The following TMEM131L variants were observed in gnomAD, a reference collection of about 807,000 sequenced individuals.
TMEM131L encodes the protein transmembrane 131 like, also known as transmembrane protein 131-like.
TMEM131L carries 54 observed loss-of-function variants against 192.2 expected under a neutral mutation model. The observed-to-expected ratio is 0.28, with a 90% CI of 0.23 to 0.35. The LOEUF is 0.35. Among genes scored for constraint, TMEM131L ranks in the 10% least tolerant of loss-of-function variants. The pLI, the probability that TMEM131L is intolerant of heterozygous loss-of-function variation, is 1.00. For synonymous variants in TMEM131L, 701 were observed against 704.9 expected (o/e 0.99, Z 0.09); for missense variants, 1,888 against 1,972.9 (o/e 0.96, Z 0.82).
intron 6 of TMEM131L, among the ~76,000 whole-genome samples, 199 bp from the exon 7 acceptor site, chr4:153,558,059 C>T (rs367866075): frequency 1.8e-4 from 28 of 152,242 alleles, no homozygotes; most frequent in African/African-American, 6.3e-4. Context: ...GCGTGAGCCA[C>T]CGTGCTCAGC....
chr4:153,636,663 TTGG>T lies in TMEM131L; in HGVS notation c.*91_*93del. ...CTGGTTATTGAGATAGATTATGACATTGGTGGATATTTTGGCACTTTTATATGA... is the reference window on the plus strand; with the variant it reads ...CTGGTTATTGAGATAGATTATGACATTGGATATTTTGGCACTTTTATATGA... On this transcript the variant is annotated 3_prime_UTR_variant, in exon 35 of 35. Transcript: ENST00000409959. 7.5e-7 allele frequency: 1 copy of T among 1,337,366 alleles called. No homozygotes were observed. The highest frequency in any genetic ancestry group is 1.5e-5 in the African/African-American group (1 of 68,022). The allele number at this position is 1,337,366 out of a possible 1,614,324, so 82.8% of individuals were successfully genotyped here. A position where few individuals can be genotyped will look rare whatever the true frequency, so the allele number is the denominator to read the frequency against.
At chr4:153,513,164 G>A (rs923786863) in intron 3 of TMEM131L, among the ~76,000 whole-genome samples, 3 of 152,204 alleles carry the variant, frequency 2.0e-5, no homozygotes, top group African/African-American at 7.2e-5. Context: ...GTTCTAGCAG[G>A]CTGTTTGAAT....
At chr4:153,629,588 ATG>A (rs1166734559) in intron 31 of TMEM131L, among the ~76,000 whole-genome samples, 2 of 152,208 alleles carry the variant, frequency 1.3e-5, no homozygotes, top group Non-Finnish European at 2.9e-5. Flanking sequence ...TAGAAGAATT[ATG>A]TGAGTTGCCC....
intron 31 of TMEM131L, among the ~76,000 whole-genome samples, chr4:153,628,786 C>T (rs760376164): frequency 1.3e-5 from 2 of 152,184 alleles, no homozygotes; most frequent in Non-Finnish European, 2.9e-5. Flanking sequence ...AGAGCATCTA[C>T]CCTTCAGCAT....
chr4:153,586,796 C>T (rs1006299802), intron 14 of TMEM131L, among the ~76,000 whole-genome samples: 2 of 152,060 alleles, frequency 1.3e-5, no homozygotes, highest in Admixed American at 1.3e-4. Flanking sequence ...GCTCGTAATC[C>T]TTGAATTTGC....
At chr4:153,537,255 G>GT (rs1736405884) in intron 3 of TMEM131L, among the ~76,000 whole-genome samples, 1 of 152,186 alleles carries the variant, frequency 6.6e-6, no homozygotes, top group Non-Finnish European at 1.5e-5. Context: ...CTCCACCTTT[G>GT]TAGATTGTTC....
rs538553015 is a variant in TMEM131L, at chr4:153,565,417, T to G, written c.660+7049T>G. Reference sequence around the variant, plus strand: ...TTTACTACCGGGGCAGGTGGTATTATTCTTATTTTAGAAATTATAGAATGG... The same window carrying G: ...TTTACTACCGGGGCAGGTGGTATTAGTCTTATTTTAGAAATTATAGAATGG... On this transcript the variant is annotated intron_variant, in intron 7 of 34. Transcript: ENST00000409959. Among the ~76,000 whole-genome samples the G allele has an allele frequency of 7.9e-5, 12 of 152,368 alleles. No homozygotes were observed. In the East Asian group the frequency reaches 2.3e-3, roughly 29 times the overall value.
intron 3 of TMEM131L, among the ~76,000 whole-genome samples, chr4:153,532,161 G>T (rs1015362854): frequency 1.3e-5 from 2 of 152,178 alleles, no homozygotes; most frequent in Non-Finnish European, 2.9e-5. Flanking sequence ...GAATGATTTT[G>T]CACTTGGATA....
intron 25 of TMEM131L, among the ~76,000 whole-genome samples, chr4:153,608,837 T>G (rs1256962100): frequency 1.3e-5 from 2 of 152,204 alleles, no homozygotes. Flanking sequence ...TTTGTTTCTG[T>G]TTTTTAACCA....
intron 3 of TMEM131L, among the ~76,000 whole-genome samples, chr4:153,534,762 G>A (rs552486426): frequency 6.6e-6 from 1 of 152,188 alleles, no homozygotes; most frequent in Non-Finnish European, 1.5e-5. Flanking sequence ...GGAGATGAGG[G>A]AGTTTGCCAT....
rs1267074762 is a variant in TMEM131L, at chr4:153,557,057, C to T, written c.524C>T (p.Ser175Phe). 2 of 1,534,388 alleles carry T rather than the reference C, an allele frequency of 1.3e-6. No homozygotes were observed. Among genetic ancestry groups the T allele is most frequent in the Non-Finnish European group, 1.8e-6 (2 of 1,110,086 alleles). The change falls in exon 6 of 35, where the codon TCT becomes TTT. Residue 175 changes from serine (S) to phenylalanine (F), a missense_variant. Ser to Phe is a radical substitution (Grantham distance 155). Transcript: ENST00000409959. The stretch of plus-strand genomic sequence containing the variant: ...GAAAGTTCCTTATTTATTAATACCT[C>T]TTCGTATGGAGTCCTTTCCTATCAT... ...SIESSLFINT[S>F]SYGVLSYHVS...
At chr4:153,485,922 C>G (rs1732298933) in intron 3 of TMEM131L, among the ~76,000 whole-genome samples, 1 of 152,248 alleles carries the variant, frequency 6.6e-6, no homozygotes, top group South Asian at 2.1e-4. Context: ...ACAGGTTCAT[C>G]AAGGTAAAAC....
At chr4:153,574,709 T>C (rs1729818333) in intron 7 of TMEM131L, among the ~76,000 whole-genome samples, 2 of 152,202 alleles carry the variant, frequency 1.3e-5, no homozygotes, top group African/African-American at 4.8e-5. Context: ...AGCTTCAGCC[T>C]CCCGAGAAGC....
intron 3 of TMEM131L, among the ~76,000 whole-genome samples, chr4:153,538,988 T>C (rs1736556768): frequency 6.6e-6 from 1 of 152,156 alleles, no homozygotes; most frequent in Non-Finnish European, 1.5e-5. Flanking sequence ...AGAGAAGCCT[T>C]GGAAATATGC....
At chr4:153,514,156 T>C (rs1340189561) in intron 3 of TMEM131L, among the ~76,000 whole-genome samples, 1 of 152,206 alleles carries the variant, frequency 6.6e-6, no homozygotes, top group South Asian at 2.1e-4. Context: ...CCGTAGCCAA[T>C]TAATCTTTGC....
In TMEM131L at chr4:153,604,024, A is replaced by G. The variant is rs375036889; in HGVS notation, c.3012A>G (p.Glu1004=). 2.4e-5 allele frequency: 38 copies of G among 1,614,076 alleles called. No individual in the cohort carries two copies. Among genetic ancestry groups the G allele is most frequent in the Non-Finnish European group, 3.2e-5 (38 of 1,180,030 alleles). The change falls in exon 25 of 35, where the codon GAA becomes GAG. Residue 1004 remains glutamate (E), a synonymous_variant. Coordinates refer to ENST00000409959, the MANE Select transcript of TMEM131L (RefSeq NM_001131007.2). ...AASSTSTTTE[E]KQTSPLGSSL... ...GCAGCACCAGCACGACTACTGAGGA[A>G]AAACAGACTTCACCCCTGGGCAGCT...
At chr4:153,558,474 A>G (rs1728632591) in intron 7 of TMEM131L, 106 bp downstream of exon 7, 2 of 550,448 alleles carry the variant, frequency 3.6e-6, no homozygotes, top group Non-Finnish European at 6.6e-6. Context: ...ATTATATAGA[A>G]GTAATATACA....
intron 33 of TMEM131L, among the ~76,000 whole-genome samples, chr4:153,635,130 G>C (rs1222858077): frequency 3.9e-5 from 6 of 152,162 alleles, no homozygotes; most frequent in Admixed American, 3.9e-4. Flanking sequence ...ACACTATTTA[G>C]ATATCTAGTA....
At chr4:153,501,928 A>G (rs554669319) in intron 3 of TMEM131L, among the ~76,000 whole-genome samples, 4 of 149,774 alleles carry the variant, frequency 2.7e-5, no homozygotes, top group African/African-American at 9.9e-5. Context: ...ACTTCCTGGA[A>G]GTATCCCCCA....
Sources: allele counts gnomAD v4.1 joint callset (sites outside exome capture counted in the v4.1 genomes callset), GRCh38; gene constraint gnomAD v4.1.1; transcripts MANE v1.5; gene names NCBI Gene and HGNC (gene_info 2026-07-23, HGNC 2026-07-21).